The following NAA40 variants were observed in gnomAD, a reference collection of about 807,000 sequenced individuals.
The protein encoded by NAA40 is N-alpha-acetyltransferase 40, NatD catalytic subunit.
NAA40 carries 26 observed loss-of-function variants against 36.6 expected under a neutral mutation model. The observed-to-expected ratio is 0.71, with a 90% confidence interval of 0.52 to 0.98. The LOEUF (loss-of-function observed/expected upper bound fraction) is 0.98. Ranked by LOEUF, NAA40 falls within the 50% of genes least tolerant of loss-of-function variation. The probability of loss-of-function intolerance (pLI) is 0.00; values close to 1 mark genes in which losing one functional copy is unlikely to be tolerated. For synonymous variants in NAA40, 129 were observed against 108.4 expected (o/e 1.19, Z -1.18); for missense variants, 237 against 306.5 (o/e 0.77, Z 1.69).
In NAA40 at chr11:63,946,946, C is replaced by A. The variant is rs1172990285; in HGVS notation, c.103-5C>A. 1 of 1,614,004 alleles carries A rather than the reference C, an allele frequency of 6.2e-7. No homozygotes were observed. The highest frequency in any genetic ancestry group is 1.3e-5 in the African/African-American group (1 of 74,926). Reference sequence around the variant, plus strand: ...GTGCTGTTCCTCTTTTCTTTCCCTCCACAGCTTGGAGACCCTCTGGAGGCT... The same window carrying A: ...GTGCTGTTCCTCTTTTCTTTCCCTCAACAGCTTGGAGACCCTCTGGAGGCT... On this transcript the variant is annotated splice_region_variant and splice_polypyrimidine_tract_variant and intron_variant, in intron 2 of 7. Transcript: ENST00000377793.
chr11:63,952,476 G>A lies in NAA40; in HGVS notation c.321G>A (p.Trp107Ter). The A allele has an allele frequency of 6.2e-7, 1 of 1,614,202 alleles. No homozygotes were observed. Among genetic ancestry groups the A allele is most frequent in the Non-Finnish European group, 8.5e-7 (1 of 1,180,040 alleles). Residue 107 changes from tryptophan (W) to a stop codon, truncating the protein, a stop_gained, in exon 5 of 8, where the codon TGG (tryptophan) becomes TGA (stop). Coordinates refer to ENST00000377793, the MANE Select transcript of NAA40 (RefSeq NM_024771.4). LOFTEE classifies it high-confidence loss of function. Reference sequence around the variant, plus strand: ...AGGAAATGACAGATGACCGAGCCTGGTACCTCATCGCGTGGGAAAACAGCT... The same window carrying A: ...AGGAAATGACAGATGACCGAGCCTGATACCTCATCGCGTGGGAAAACAGCT... Reference protein sequence around the residue: ...KREEMTDDRAWYLIAWENSSV... With the variant: ...KREEMTDDRA
In NAA40 at chr11:63,944,108, T is replaced by A. The variant is rs1590751012; in HGVS notation, c.7-1732T>A. On this transcript the variant is annotated intron_variant, in intron 1 of 7. Coordinates refer to ENST00000377793, the MANE Select transcript of NAA40 (RefSeq NM_024771.4). The stretch of plus-strand genomic sequence containing the variant: ...AAGAACAATCCCTGTGAGTTCCTGG[T>A]ATCTGAACTCCTTTCTTCTTGGTTG... 9.2e-5 allele frequency among the ~76,000 whole-genome samples: 14 copies of A among 152,298 alleles called. No homozygotes were observed. In the South Asian group the frequency reaches 2.9e-3, roughly 32 times the overall value.
At chr11:63,941,570 T>C (rs1242139079) in intron 1 of NAA40, among the ~76,000 whole-genome samples, 1 of 152,076 alleles carries the variant, frequency 6.6e-6, no homozygotes, top group African/African-American at 2.4e-5. Context: ...CTTTTTTTTT[T>C]AGACAGAGTT....
intron 1 of NAA40, among the ~76,000 whole-genome samples, chr11:63,940,017 C>G (rs1157267069): frequency 6.8e-6 from 1 of 146,460 alleles, no homozygotes; most frequent in Non-Finnish European, 1.5e-5. Flanking sequence ...AAAGATAACG[C>G]TTTTCCTAGT....
intron 3 of NAA40, among the ~76,000 whole-genome samples, chr11:63,947,868 C>A (rs749384672): frequency 2.0e-5 from 3 of 151,964 alleles, no homozygotes; most frequent in Admixed American, 6.6e-5. Context: ...ATTAAAGGCA[C>A]CCGCCACCAC....
intron 2 of NAA40, 43 bp from the exon 3 acceptor site, chr11:63,946,908 G>GC: frequency 3.7e-6 from 6 of 1,611,620 alleles, no homozygotes; most frequent in Non-Finnish European, 5.1e-6. Context: ...CTGCACCTCC[G>GC]CCCCACTTGT....
chr11:63,941,173 G>C (rs1010901400), intron 1 of NAA40, among the ~76,000 whole-genome samples: 1 of 152,164 alleles, frequency 6.6e-6, no homozygotes, highest in Non-Finnish European at 1.5e-5. Flanking sequence ...GTCTCTTCTG[G>C]CCTAAAATTG....
intron 6 of NAA40, 70 bp downstream of exon 6, chr11:63,952,909 A>C: frequency 3.6e-6 from 5 of 1,378,796 alleles, no homozygotes. Flanking sequence ...GGCACTTGCC[A>C]TTCTTTGAGC....
intron 1 of NAA40, 92 bp downstream of exon 1, chr11:63,939,194 C>T: frequency 8.6e-7 from 1 of 1,158,426 alleles, no homozygotes; most frequent in Non-Finnish European, 1.1e-6. Context: ...TCACGTGACC[C>T]CGACCCCCTC....
chr11:63,942,404 G>A (rs758318894), intron 1 of NAA40, among the ~76,000 whole-genome samples: 1 of 152,136 alleles, frequency 6.6e-6, no homozygotes, highest in African/African-American at 2.4e-5. Flanking sequence ...GACATTGCGA[G>A]CCCCATTTTA....
At position 63,944,706 on chromosome 11, in the gene NAA40, C is replaced by T. The variant is rs1388260240; in HGVS notation, c.7-1134C>T. Reference sequence around the variant, plus strand: ...TTACTTGAGGTCAGGAGTTAGTGACCAGCCTGGCCAACTTGGTGAAACCCC... The same window carrying T: ...TTACTTGAGGTCAGGAGTTAGTGACTAGCCTGGCCAACTTGGTGAAACCCC... On this transcript the variant is annotated intron_variant, in intron 1 of 7. Coordinates refer to ENST00000377793, the MANE Select transcript of NAA40 (RefSeq NM_024771.4). 3.3e-5 allele frequency among the ~76,000 whole-genome samples: 5 copies of T among 151,924 alleles called. No homozygotes were observed. In the East Asian group the frequency reaches 9.7e-4, roughly 29 times the overall value.
chr11:63,939,695 CAT>C (rs1336576444), intron 1 of NAA40, among the ~76,000 whole-genome samples: 1 of 152,176 alleles, frequency 6.6e-6, no homozygotes, highest in East Asian at 1.9e-4. Flanking sequence ...CTTCCTTTCC[CAT>C]AGACTCCTGC....
In NAA40 at chr11:63,946,604, T is replaced by C. The variant is rs1008266949; in HGVS notation, c.103-347T>C. ...GTGGCTCAGGGGCTTGATTTTCCAT[T>C]TGGAGTTGTAACCAGGTAAAGTCAG... On this transcript the variant is annotated intron_variant, in intron 2 of 7. Coordinates refer to ENST00000377793, the MANE Select transcript of NAA40 (RefSeq NM_024771.4). 3.1e-6 allele frequency: 4 copies of C among 1,269,954 alleles called. No homozygotes were observed. In the Admixed American group the frequency reaches 1.4e-4, roughly 43 times the overall value. 78.7% of individuals were successfully genotyped at this position (1,269,954 alleles called of 1,614,324 possible). A position where few individuals can be genotyped will look rare whatever the true frequency, so the allele number is the denominator to read the frequency against.
At position 63,957,204 on chromosome 11, in the gene NAA40, ATATATAT is replaced by A. The variant is rs1565176128; in HGVS notation, c.*2726_*2732del. The A allele has an allele frequency of 1.2e-5, 1 of 80,294 alleles. No individual in the cohort carries two copies. The highest frequency in any genetic ancestry group is 1.3e-4 in the Admixed American group (1 of 7,536). The allele number at this position is 80,294 out of a possible 1,614,324, so 5.0% of individuals were successfully genotyped here. ...GATAAACTCCTTGATATATATATAT[ATATATAT>A]ATTTTTTTTTTTCTTTAGCAGCTTG... On this transcript the variant is annotated 3_prime_UTR_variant, in exon 8 of 8. Transcript: ENST00000377793.
At chr11:63,946,524 C>G (rs576428305) in intron 2 of NAA40, 122 of 1,143,746 alleles carry the variant, frequency 1.1e-4, no homozygotes, top group Non-Finnish European at 1.2e-4. Flanking sequence ...ATTTAGTATC[C>G]CATTTTTTGG....
rs777807124 is a variant in NAA40, at chr11:63,939,081, C to T, written c.-16C>T. 3.7e-6 allele frequency: 6 copies of T among 1,604,070 alleles called. No individual in the cohort carries two copies. The highest frequency in any genetic ancestry group is 2.2e-5 in the South Asian group (2 of 90,756). On this transcript the variant is annotated 5_prime_UTR_variant, in exon 1 of 8. Coordinates refer to ENST00000377793, the MANE Select transcript of NAA40 (RefSeq NM_024771.4). ...GCAAGTGTGTGAAGAAGAAGCTGAG[C>T]GTTGTCGCCGCCGCTATGGGGGTGA...
intron 1 of NAA40, among the ~76,000 whole-genome samples, chr11:63,944,633 T>C (rs1013771876): frequency 6.6e-6 from 1 of 152,152 alleles, no homozygotes; most frequent in African/African-American, 2.4e-5. Context: ...CCTGGCGCAG[T>C]GGCTCACGCC....
chr11:63,946,766 C>T (rs1017745378), intron 2 of NAA40, 185 bp from the exon 3 acceptor site: 1 of 1,535,608 alleles, frequency 6.5e-7, no homozygotes, highest in South Asian at 1.2e-5. Flanking sequence ...CCACCAAAGC[C>T]TTCCTCGCAC....
At position 63,957,203 on chromosome 11, in the gene NAA40, TA is replaced by T. The variant is rs1565176117; in HGVS notation, c.*2725del. 1.4e-4 allele frequency: 12 copies of T among 87,182 alleles called. No homozygotes were observed. Among genetic ancestry groups the T allele is most frequent in the African/African-American group, 4.5e-4 (12 of 26,742 alleles). The allele number at this position is 87,182 out of a possible 1,614,324, so 5.4% of individuals were successfully genotyped here. On this transcript the variant is annotated 3_prime_UTR_variant, in exon 8 of 8. Coordinates refer to ENST00000377793, the MANE Select transcript of NAA40 (RefSeq NM_024771.4). The stretch of plus-strand genomic sequence containing the variant: ...AGATAAACTCCTTGATATATATATA[TA>T]TATATATATTTTTTTTTTTCTTTAG...
Sources: gnomAD v4.1 joint callset for allele counts (sites outside exome capture counted in the v4.1 genomes callset) on GRCh38, gnomAD v4.1.1 for gene constraint, MANE v1.5 for transcripts, NCBI Gene and HGNC (gene_info 2026-07-23, HGNC 2026-07-21) for gene names.